INPPL1: variants seen among roughly 807,000 people sequenced by gnomAD.
INPPL1 encodes inositol polyphosphate phosphatase like 1.
INPPL1 carries 91 observed loss-of-function variants against 139.3 expected under a neutral mutation model. That is an observed-to-expected ratio of 0.65 (90% CI 0.55 to 0.78). The LOEUF (loss-of-function observed/expected upper bound fraction) is 0.78, where lower values mean the gene tolerates loss of function less well. INPPL1 is among the 30% of genes least tolerant of loss of function. The probability of loss-of-function intolerance (pLI) is 0.00; values close to 1 mark genes in which losing one functional copy is unlikely to be tolerated. For missense variants in INPPL1, 1,411 were observed against 1,665.6 expected (o/e 0.85, Z 2.66); for synonymous variants, 719 against 686.6 (o/e 1.05, Z -0.74).
chr11:72,227,776 A>G (rs1222534263), intron 1 of INPPL1: 1 of 264,572 alleles, frequency 3.8e-6, no homozygotes, highest in African/African-American at 2.2e-5. Flanking sequence ...GGAGGCATAC[A>G]CACGTGTTAG....
chr11:72,229,611 G>A, intron 6 of INPPL1, 52 bp from the exon 7 acceptor site: 1 of 1,611,320 alleles, frequency 6.2e-7, no homozygotes, highest in Non-Finnish European at 8.5e-7. Flanking sequence ...GAGCTGGGTG[G>A]GAGGCTCTGC....
Position 72,232,341 on chromosome 11 carries a change from G to C in INPPL1, c.1712+5G>C. ...GGGAAATGAGAAGACGGCTCGGTGA[G>C]GGGGCGCCTTTCCCATGGTCTCTTT... On this transcript the variant is annotated splice_donor_5th_base_variant and intron_variant, in intron 14 of 27. Transcript: ENST00000298229. The C allele has an allele frequency of 1.3e-6, 2 of 1,550,878 alleles. No individual in the cohort carries two copies. Among genetic ancestry groups the C allele is most frequent in the Non-Finnish European group, 1.7e-6 (2 of 1,146,316 alleles).
chr11:72,225,220 G>A (rs953938841), intron 1 of INPPL1, 54 bp downstream of exon 1: 3 of 1,227,066 alleles, frequency 2.4e-6, no homozygotes, highest in Non-Finnish European at 3.0e-6. Flanking sequence ...GCGCGGGCAC[G>A]GCCGGGTGTG....
rs562960058 is a variant in INPPL1 at position 72,232,573 on chromosome 11, C to T, written c.1713-53C>T. 1.8e-5 allele frequency: 28 copies of T among 1,598,848 alleles called. No individual in the cohort carries two copies. In the Admixed American group the frequency reaches 1.9e-4, roughly 11 times the overall value. ...TTCCCTTTATGCCTATCCCTGACTT[C>T]TGGCCCTGACCCTGGGGATCTACCC... On this transcript the variant is annotated intron_variant, in intron 14 of 27. Coordinates refer to ENST00000298229, the MANE Select transcript of INPPL1 (RefSeq NM_001567.4).
chr11:72,234,927 G>A lies in INPPL1; in HGVS notation c.2416-189G>A, dbSNP rs1825688690. ...AAATTAATTAGTTACAGTGATGCTA[G>A]GTGCTGTAAAAGGCCTGTATAGGGC... On this transcript the variant is annotated intron_variant, in intron 21 of 27. Coordinates refer to ENST00000298229, the MANE Select transcript of INPPL1 (RefSeq NM_001567.4). This position sits in a 1 kb window ranked among gnomAD's most constrained non-coding sequence, Gnocchi z 4.2. 6.6e-6 allele frequency among the ~76,000 whole-genome samples: 1 copy of A among 152,132 alleles called. No individual in the cohort carries two copies. The highest frequency in any genetic ancestry group is 1.5e-5 in the Non-Finnish European group (1 of 68,022).
intron 1 of INPPL1, 200 bp from the exon 2 acceptor site, chr11:72,227,990 T>TAATAAA: frequency 2.0e-6 from 1 of 502,848 alleles, no homozygotes; most frequent in Non-Finnish European, 3.6e-6. Context: ...GGTGTTCTGG[T>TAATAAA]CATTCCTGCC....
chr11:72,232,334 T>A lies in INPPL1; in HGVS notation c.1710T>A (p.Ala570=). Reference sequence around the variant, plus strand: ...TCACCTCGGGAAATGAGAAGACGGCTCGGTGAGGGGGCGCCTTTCCCATGG... The same window carrying A: ...TCACCTCGGGAAATGAGAAGACGGCACGGTGAGGGGGCGCCTTTCCCATGG... ...CHLTSGNEKT[A]RRNQNYLDIL... Residue 570 remains alanine, a splice_region_variant and synonymous_variant, in exon 14 of 28, where the codon GCT becomes GCA. Coordinates refer to ENST00000298229, the MANE Select transcript of INPPL1 (RefSeq NM_001567.4). 2.6e-6 allele frequency: 4 copies of A among 1,551,510 alleles called. No homozygotes were observed.
In INPPL1 at chr11:72,229,526, T is replaced by A. The variant is rs773348902; in HGVS notation, c.721T>A (p.Ser241Thr). Residue 241 changes from serine to threonine, a missense_variant, in exon 6 of 28, where the codon TCG (serine) becomes ACG (threonine). By Grantham distance (58) the Ser-to-Thr change is moderately conservative (BLOSUM62 1). This residue lies in a region of INPPL1 where 504 missense variants were observed against 595.6 expected (regional missense o/e 0.85). Coordinates refer to ENST00000298229, the MANE Select transcript of INPPL1 (RefSeq NM_001567.4). ...ILSKVFDQQS[S>T]PMVTRLLQQQ... ...GTCCAAGGTGTTTGACCAGCAGAGC[T>A]CGCCCATGGTGACCCGCCTTTTGCA... is the stretch of plus-strand genomic sequence containing the variant. 4 of 1,614,024 alleles carry A rather than the reference T, an allele frequency of 2.5e-6. 1 individual carries two copies. In the South Asian group the frequency reaches 4.4e-5, roughly 18 times the overall value.
intron 26 of INPPL1, 37 bp from the exon 27 acceptor site, chr11:72,238,005 G>T: frequency 6.6e-7 from 1 of 1,513,078 alleles, no homozygotes; most frequent in Non-Finnish European, 8.8e-7. Context: ...TTCTATGGGG[G>T]GCACTCAGCT....
In INPPL1 at chr11:72,233,728, G is replaced by C. The variant is rs1200416045; in HGVS notation, c.2196G>C (p.Gln732His). 3 of 1,614,012 alleles carry C rather than the reference G, an allele frequency of 1.9e-6. No individual in the cohort carries two copies. The highest frequency in any genetic ancestry group is 2.5e-6 in the Non-Finnish European group (3 of 1,179,884). ...CATTTGAGGTTGGAGTTACCTCCCA[G>C]TTCATCTCCAAGAAAGGTGACTGTT... is the stretch of plus-strand genomic sequence containing the variant. Reference protein sequence around the residue: ...FGTFEVGVTSQFISKKGLSKT... With the variant: ...FGTFEVGVTSHFISKKGLSKT... Residue 732 changes from glutamine (Q) to histidine (H), a missense_variant, in exon 19 of 28, where the codon CAG becomes CAC. Physicochemically the swap from Gln to His is conservative, Grantham distance 24. Transcript: ENST00000298229.
At position 72,237,711 on chromosome 11, in the gene INPPL1, G is replaced by C. The variant is rs773081790; in HGVS notation, c.3467G>C (p.Arg1156Pro). Residue 1156 changes from arginine to proline, a missense_variant, in exon 26 of 28, where the codon CGG becomes CCG. Transcript: ENST00000298229. ...LPGPLELQPP[R>P]GLPSDYGRPL... The stretch of plus-strand genomic sequence containing the variant: ...GGCCCCCTGGAGCTGCAGCCCCCCC[G>C]GGGACTGCCCTCGGACTATGGCCGG... The C allele has an allele frequency of 7.4e-5, 119 of 1,611,040 alleles. No homozygotes were observed. The highest frequency in any genetic ancestry group is 5.6e-4 in the South Asian group (51 of 90,744).
In INPPL1 at chr11:72,228,101, G is replaced by T; in HGVS notation, c.183-89G>T. On this transcript the variant is annotated intron_variant, in intron 1 of 27. Coordinates refer to ENST00000298229, the MANE Select transcript of INPPL1 (RefSeq NM_001567.4). This position sits in a 1 kb window ranked among gnomAD's most constrained non-coding sequence, Gnocchi z 5.0. ...GGGAAACCAAGCTGAGGGGGTTGGGGTGCTGAGCTTGCTGGCAGGAGGAAG... is the reference window on the plus strand; with the variant it reads ...GGGAAACCAAGCTGAGGGGGTTGGGTTGCTGAGCTTGCTGGCAGGAGGAAG... 1 of 1,392,302 alleles carries T rather than the reference G, an allele frequency of 7.2e-7. No homozygotes were observed. Among genetic ancestry groups the T allele is most frequent in the Admixed American group, 1.7e-5 (1 of 59,220 alleles). 86.2% of individuals were successfully genotyped at this position (1,392,302 alleles called of 1,614,324 possible).
chr11:72,235,120 A>G lies in INPPL1; in HGVS notation c.2420A>G (p.Lys807Arg), dbSNP rs1307188508. ...QWSSRQLPTL[K>R]PILADIEYLQ... Reference sequence around the variant, plus strand: ...CTGGGCCTCCCTGCTTCCCAGCTCAAACCAATTCTGGCTGATATCGAGTAC... The same window carrying G: ...CTGGGCCTCCCTGCTTCCCAGCTCAGACCAATTCTGGCTGATATCGAGTAC... Residue 807 changes from lysine (K) to arginine (R), a missense_variant, in exon 22 of 28, where the codon AAA (lysine) becomes AGA (arginine). Physicochemically the swap from Lys to Arg is conservative, Grantham distance 26. Coordinates refer to ENST00000298229, the MANE Select transcript of INPPL1 (RefSeq NM_001567.4). This position sits in a 1 kb window ranked among gnomAD's most constrained non-coding sequence, Gnocchi z 4.9. 1.2e-6 allele frequency: 2 copies of G among 1,613,792 alleles called. No individual in the cohort carries two copies. The highest frequency in any genetic ancestry group is 1.7e-6 in the Non-Finnish European group (2 of 1,179,938).
Position 72,233,119 on chromosome 11 carries a change from G to T in INPPL1, c.1996G>T (p.Gly666Cys). The T allele has an allele frequency of 6.2e-7, 1 of 1,614,076 alleles. No homozygotes were observed. The highest frequency in any genetic ancestry group is 8.5e-7 in the Non-Finnish European group (1 of 1,180,012). Residue 666 changes from glycine (G) to cysteine (C), a missense_variant, in exon 17 of 28, where the codon GGT (glycine) becomes TGT (cysteine). Gly to Cys is a radical substitution (Grantham distance 159, BLOSUM62 -3). Coordinates refer to ENST00000298229, the MANE Select transcript of INPPL1 (RefSeq NM_001567.4). ...SFPPTYRYERGSRDTYAWHKQ... is the reference protein window; with the variant it reads ...SFPPTYRYERCSRDTYAWHKQ... The stretch of plus-strand genomic sequence containing the variant: ...CCCACCCACCTACCGCTATGAGCGG[G>T]GTTCCCGGGACACATATGCCTGGCA...
At position 72,237,162 on chromosome 11, in the gene INPPL1, C is replaced by T. The variant is rs753171921; in HGVS notation, c.2918C>T (p.Ala973Val). The change falls in exon 26 of 28, where the codon GCG becomes GTG. Residue 973 changes from alanine (A) to valine (V), a missense_variant. By Grantham distance (64) the Ala-to-Val change is moderately conservative (BLOSUM62 0). Around this residue, in one of 5 missense-constraint regions of INPPL1, gnomAD observed 438 missense variants for 425.7 expected, o/e 1.03. Coordinates refer to ENST00000298229, the MANE Select transcript of INPPL1 (RefSeq NM_001567.4). ...GGAGCTCCTGAACCAGAAGGGGTGG[C>T]GGCCCCCCCACCCAAGAACAGCTTC... The part of the protein sequence containing the change: ...PEGAPEPEGV[A>V]APPPKNSFNN... The T allele has an allele frequency of 1.6e-4, 263 of 1,600,242 alleles. No individual in the cohort carries two copies. Among genetic ancestry groups the T allele is most frequent in the Non-Finnish European group, 2.1e-4 (249 of 1,170,044 alleles).
In INPPL1 at chr11:72,232,614, C is replaced by A. The variant is rs1286524593; in HGVS notation, c.1713-12C>A. The A allele has an allele frequency of 3.1e-6, 5 of 1,613,082 alleles. No homozygotes were observed. Among genetic ancestry groups the A allele is most frequent in the Non-Finnish European group, 4.2e-6 (5 of 1,179,686 alleles). ...GGATCTACCCCTCCCCACCACGCACCCCTCACCCTAGGAGGAACCAAAACT... is the reference window on the plus strand; with the variant it reads ...GGATCTACCCCTCCCCACCACGCACACCTCACCCTAGGAGGAACCAAAACT... On this transcript the variant is annotated splice_polypyrimidine_tract_variant and intron_variant, in intron 14 of 27. Coordinates refer to ENST00000298229, the MANE Select transcript of INPPL1 (RefSeq NM_001567.4).
chr11:72,224,411 A>G (rs948593921), upstream of INPPL1, among the ~76,000 whole-genome samples: 1 of 151,730 alleles, frequency 6.6e-6, no homozygotes, highest in Non-Finnish European at 1.5e-5. Context: ...GACGAGAGGA[A>G]GAGCCATGGA....
chr11:72,228,771 A>G lies in INPPL1; in HGVS notation c.442A>G (p.Thr148Ala). The G allele has an allele frequency of 6.2e-7, 1 of 1,612,216 alleles. No individual in the cohort carries two copies. ...CCCGCTGCCCCCGCGCTCTGGCTCC[A>G]CCAGCATTTCTGCCCCCACTGGGCC... ...KPPLPPRSGS[T>A]SISAPTGPSS... Residue 148 changes from threonine to alanine, a missense_variant, in exon 4 of 28, where the codon ACC (threonine) becomes GCC (alanine). Coordinates refer to ENST00000298229, the MANE Select transcript of INPPL1 (RefSeq NM_001567.4). The surrounding 1 kb of genome is among the most constrained non-coding windows in gnomAD (Gnocchi z 5.0).
chr11:72,225,344 C>T (rs1948640637), intron 1 of INPPL1, 178 bp downstream of exon 1: 1 of 985,306 alleles, frequency 1.0e-6, no homozygotes, highest in Non-Finnish European at 1.2e-6. Flanking sequence ...GGGGCACTTC[C>T]TGCTGTGTGT....
Sources: allele counts gnomAD v4.1 joint callset (sites outside exome capture counted in the v4.1 genomes callset), GRCh38; gene constraint gnomAD v4.1.1; regional missense constraint gnomAD v4.1.1; non-coding constraint Gnocchi (gnomAD v3.1); transcripts MANE v1.5; gene names NCBI Gene and HGNC (gene_info 2026-07-23, HGNC 2026-07-21).